RABGAP1: variants seen among roughly 807,000 people sequenced by gnomAD.
RABGAP1 encodes RAB GTPase activating protein 1, also known as rab GTPase-activating protein 1.
Under a neutral mutation model 137.6 loss-of-function variants are expected in RABGAP1, and 23 were observed. The observed-to-expected ratio is 0.17, with a 90% CI of 0.12 to 0.24. RABGAP1 has a LOEUF of 0.24. RABGAP1 is among the 10% of genes least tolerant of loss of function. The pLI is 1.00. For synonymous variants in RABGAP1, 451 were observed against 450.7 expected, an observed-to-expected ratio of 1.00 and a Z score of -0.01; for missense variants, 906 against 1,275.8, an observed-to-expected ratio of 0.71 and a Z score of 4.42.
intron 19 of RABGAP1, 186 bp from the exon 20 acceptor site, chr9:123,089,571 GC>G: frequency 1.9e-6 from 1 of 534,922 alleles, no homozygotes; most frequent in Non-Finnish European, 3.3e-6. Flanking sequence ...AACTCTAAAC[GC>G]ATTGAGAATT....
chr9:122,963,163 A>T (rs935947693), intron 2 of RABGAP1, among the ~76,000 whole-genome samples: 4 of 152,222 alleles, frequency 2.6e-5, no homozygotes, highest in Non-Finnish European at 5.9e-5. Context: ...AATCCCAGCA[A>T]TTCAGGAGGC....
intron 13 of RABGAP1, among the ~76,000 whole-genome samples, chr9:123,048,497 T>C (rs1019965999): frequency 5.9e-5 from 9 of 152,210 alleles, no homozygotes; most frequent in Non-Finnish European, 1.3e-4. Flanking sequence ...ATCCATAGCA[T>C]ACAACGCTTT....
chr9:123,064,266 G>T (rs185958754), intron 13 of RABGAP1, among the ~76,000 whole-genome samples: 1 of 152,272 alleles, frequency 6.6e-6, no homozygotes, highest in African/African-American at 2.4e-5. Context: ...TAACTGTTAA[G>T]ACTATGTTAA....
chr9:122,998,278 T>C (rs1294834005), intron 9 of RABGAP1, among the ~76,000 whole-genome samples: 1 of 152,080 alleles, frequency 6.6e-6, no homozygotes, highest in Non-Finnish European at 1.5e-5. Context: ...TTTTGTATTT[T>C]TAGTAGAGAC....
At chr9:122,998,037 C>T (rs1373752415) in intron 9 of RABGAP1, among the ~76,000 whole-genome samples, 2 of 152,024 alleles carry the variant, frequency 1.3e-5, no homozygotes, top group African/African-American at 4.8e-5. Flanking sequence ...AAGTCATATG[C>T]CACTTGTGCA....
chr9:123,051,133 A>G (rs1325973001), intron 13 of RABGAP1, among the ~76,000 whole-genome samples: 5 of 146,406 alleles, frequency 3.4e-5, no homozygotes, highest in Non-Finnish European at 6.0e-5. Flanking sequence ...TTAGGATCTG[A>G]AATGGTTAAG....
At chr9:123,044,638 T>TGTGTGA (rs1473483108) in intron 13 of RABGAP1, among the ~76,000 whole-genome samples, 2 of 151,912 alleles carry the variant, frequency 1.3e-5, no homozygotes, top group African/African-American at 4.8e-5. Context: ...TGTGTGTGTG[T>TGTGTGA]GTGTGTGTGT....
At chr9:123,026,583 C>T (rs1252841104) in intron 13 of RABGAP1, among the ~76,000 whole-genome samples, 2 of 152,170 alleles carry the variant, frequency 1.3e-5, no homozygotes, top group Non-Finnish European at 2.9e-5. Context: ...AAGAGCTCCT[C>T]AACCCTGGCC....
chr9:122,950,183 T>C (rs1284203210), intron 1 of RABGAP1, among the ~76,000 whole-genome samples: 2 of 151,696 alleles, frequency 1.3e-5, no homozygotes, highest in Admixed American at 1.3e-4. Context: ...CTAGGAAGAG[T>C]CTAGAATGAA....
chr9:122,974,518 A>C (rs1238185549), intron 2 of RABGAP1, among the ~76,000 whole-genome samples: 1 of 147,496 alleles, frequency 6.8e-6, no homozygotes, highest in East Asian at 2.0e-4. Flanking sequence ...GGCCATGTGC[A>C]GTGGCTCATG....
At position 123,074,311 on chromosome 9, in the gene RABGAP1, C is replaced by T. The variant is rs1369440692; in HGVS notation, c.2136C>T (p.His712=). 6.2e-7 allele frequency: 1 copy of T among 1,613,750 alleles called. No homozygotes were observed. Among genetic ancestry groups the T allele is most frequent in the Non-Finnish European group, 8.5e-7 (1 of 1,179,826 alleles). ...AATACATTCCTGACCTGTACAACCACTTCCTGGATATAAGCCTTGAAGCAC... is the reference window on the plus strand; with the variant it reads ...AATACATTCCTGACCTGTACAACCATTTCCTGGATATAAGCCTTGAAGCAC... ...MQEYIPDLYN[H]FLDISLEAHM... The change falls in exon 17 of 26, where the codon CAC becomes CAT. Residue 712 remains histidine, a synonymous_variant. Coordinates refer to ENST00000373647, the MANE Select transcript of RABGAP1 (RefSeq NM_012197.4).
intron 1 of RABGAP1, among the ~76,000 whole-genome samples, chr9:122,943,261 G>T (rs1030856827): frequency 2.0e-5 from 3 of 151,716 alleles, no homozygotes; most frequent in Non-Finnish European, 2.9e-5. Flanking sequence ...TAGAGACGGG[G>T]TTTCATCATG....
intron 10 of RABGAP1, among the ~76,000 whole-genome samples, chr9:123,008,987 TAA>T (rs113703860): frequency 5.4e-4 from 83 of 152,322 alleles, no homozygotes; most frequent in African/African-American, 1.9e-3. Context: ...TAATTAATAG[TAA>T]GTAGCTAAGT....
chr9:122,947,443 A>G (rs1834002236), intron 1 of RABGAP1, among the ~76,000 whole-genome samples: 1 of 152,226 alleles, frequency 6.6e-6, no homozygotes, highest in Non-Finnish European at 1.5e-5. Context: ...TAATGACACA[A>G]AATTGTACAC....
intron 13 of RABGAP1, among the ~76,000 whole-genome samples, chr9:123,049,880 A>G (rs2033381471): frequency 6.6e-6 from 1 of 152,218 alleles, no homozygotes; most frequent in Non-Finnish European, 1.5e-5. Context: ...TGCTTCTCAT[A>G]AACTGTGAGG....
intron 8 of RABGAP1, chr9:122,996,932 T>C (rs1377431392): frequency 6.0e-6 from 3 of 501,140 alleles, no homozygotes; most frequent in East Asian, 4.3e-5. Flanking sequence ...GTAGGAGTTA[T>C]TAGTATTATT....
chr9:123,091,496 A>G (rs1333318528), intron 21 of RABGAP1, among the ~76,000 whole-genome samples: 1 of 152,206 alleles, frequency 6.6e-6, no homozygotes, highest in Non-Finnish European at 1.5e-5. Flanking sequence ...AAAATGTAGG[A>G]TGGACCTGGA....
chr9:123,091,754 GTCA>G (rs1199464220), intron 21 of RABGAP1, among the ~76,000 whole-genome samples: 5 of 152,080 alleles, frequency 3.3e-5, no homozygotes, highest in Non-Finnish European at 5.9e-5. Context: ...ATGTTTCAAG[GTCA>G]TTAGCCCTCA....
the RABGAP1 span, among the ~76,000 whole-genome samples, chr9:122,934,440 C>T: frequency 6.6e-6 from 1 of 152,136 alleles, no homozygotes. Context: ...TTGTAGACAG[C>T]ATTTAGTTGG....
Sources: gnomAD v4.1 joint callset for allele counts (sites outside exome capture counted in the v4.1 genomes callset) on GRCh38, gnomAD v4.1.1 for gene constraint, MANE v1.5 for transcripts, NCBI Gene and HGNC (gene_info 2026-07-23, HGNC 2026-07-21) for gene names.